Variants in LIPN observed in about 807,000 individuals in gnomAD.
The protein encoded by LIPN is lipase family member N.
In LIPN, 32 loss-of-function variants were observed where a neutral mutation model predicts 43.7. The ratio of observed to expected loss-of-function variants is 0.73; its 90% CI spans 0.55 to 0.98. The LOEUF is 0.98. Among genes scored for constraint, LIPN ranks in the 50% least tolerant of loss-of-function variants. The pLI is 0.00. For synonymous variants in LIPN, 156 were observed against 157.6 expected (o/e 0.99, Z 0.08); for missense variants, 505 against 483.8 (o/e 1.04, Z -0.41).
At chr10:88,772,738 C>G (rs814629) in intron 7 of LIPN, among the ~76,000 whole-genome samples, 27,749 of 151,072 alleles carry the variant, frequency 0.18, 2,611 homozygotes, top group Non-Finnish European at 0.21. Flanking sequence ...TTAGAAAAAC[C>G]TAAAGACTCC....
At chr10:88,772,136 C>G (rs1256895032) in intron 7 of LIPN, among the ~76,000 whole-genome samples, 1 of 150,830 alleles carries the variant, frequency 6.6e-6, no homozygotes, top group Non-Finnish European at 1.5e-5. Context: ...TATATGACCT[C>G]TTTATATATT....
At chr10:88,777,278 G>T (rs1843310828) in intron 9 of LIPN, among the ~76,000 whole-genome samples, 1 of 151,846 alleles carries the variant, frequency 6.6e-6, no homozygotes, top group African/African-American at 2.4e-5. Flanking sequence ...CCAGGCACTG[G>T]CTACTCCACC....
At position 88,778,005 on chromosome 10, in the gene LIPN, A is replaced by G. The variant is rs375269629; in HGVS notation, c.964-4A>G. On this transcript the variant is annotated splice_polypyrimidine_tract_variant and splice_region_variant and intron_variant, in intron 9 of 9. Transcript: ENST00000404459. ...CATGAATGCCCTTGCTTTCTCTCCC[A>G]CAGAGTCATCCCCCTATATATGACC... 5.0e-5 allele frequency: 80 copies of G among 1,595,692 alleles called. No individual in the cohort carries two copies. In the African/African-American group the frequency reaches 9.6e-4, roughly 19 times the overall value.
intron 5 of LIPN, 53 bp downstream of exon 5, chr10:88,766,431 G>A (rs1160394937): frequency 9.8e-7 from 1 of 1,020,326 alleles, no homozygotes; most frequent in Non-Finnish European, 1.6e-6. Flanking sequence ...AGTTTTCTCA[G>A]AGTCTTACAG....
At chr10:88,762,756 G>C (rs940128794) in intron 3 of LIPN, among the ~76,000 whole-genome samples, 4 of 152,018 alleles carry the variant, frequency 2.6e-5, no homozygotes, top group African/African-American at 7.2e-5. Flanking sequence ...AAACAATCTA[G>C]TTAAATGACA....
rs1033951905 is a variant in LIPN at position 88,764,672 on chromosome 10, C to T, written c.425+64C>T. 4.3e-5 allele frequency: 51 copies of T among 1,176,084 alleles called. No homozygotes were observed. The Admixed American group carries it at 5.1e-4, about 12-fold the overall frequency. The allele number at this position is 1,176,084 out of a possible 1,614,324, so 72.9% of individuals were successfully genotyped here. ...GGCAATTTAAAAAAAATAACGTGGACGCTATTAATGATTATCTTTGACGCT... is the reference window on the plus strand; with the variant it reads ...GGCAATTTAAAAAAAATAACGTGGATGCTATTAATGATTATCTTTGACGCT... On this transcript the variant is annotated intron_variant, in intron 4 of 9. Coordinates refer to ENST00000404459, the MANE Select transcript of LIPN (RefSeq NM_001102469.2).
At chr10:88,774,609 T>C in intron 8 of LIPN, 65 bp downstream of exon 8, 2 of 1,382,918 alleles carry the variant, frequency 1.4e-6, no homozygotes, top group African/African-American at 2.9e-5. Context: ...AAGACAGAAT[T>C]GACCCTGTTA....
At chr10:88,777,030 CTT>C (rs2133033755) in intron 9 of LIPN, among the ~76,000 whole-genome samples, 2 of 152,154 alleles carry the variant, frequency 1.3e-5, no homozygotes, top group South Asian at 4.1e-4. Context: ...TTGAAGAGGG[CTT>C]CTTCTACTTA....
Position 88,766,251 on chromosome 10 carries a change from C to T in LIPN, c.426-18C>T. Reference sequence around the variant, plus strand: ...TAAACTTGCAAGTATTTATAAAAGCCCCTGTTTTATTTTGCAGTTTTGATG... The same window carrying T: ...TAAACTTGCAAGTATTTATAAAAGCTCCTGTTTTATTTTGCAGTTTTGATG... On this transcript the variant is annotated intron_variant, in intron 4 of 9. Coordinates refer to ENST00000404459, the MANE Select transcript of LIPN (RefSeq NM_001102469.2). 1 of 1,186,294 alleles carries T rather than the reference C, an allele frequency of 8.4e-7. No homozygotes were observed. Among genetic ancestry groups the T allele is most frequent in the Non-Finnish European group, 1.3e-6 (1 of 799,452 alleles). 73.5% of individuals were successfully genotyped at this position (1,186,294 alleles called of 1,614,324 possible).
At chr10:88,769,067 T>C (rs1843161705) in intron 6 of LIPN, 139 bp downstream of exon 6, 2 of 798,060 alleles carry the variant, frequency 2.5e-6, no homozygotes, top group Non-Finnish European at 3.9e-6. Context: ...TATGTGCTTG[T>C]GTATGTGTGT....
Position 88,779,227 on chromosome 10 carries a change from A to T in LIPN, c.*985A>T, listed in dbSNP as rs303488. On this transcript the variant is annotated 3_prime_UTR_variant, in exon 10 of 10. Transcript: ENST00000404459. ...ATGCCAACAAAAGATTCTGAGCAAG[A>T]CTGTAAATCTGATCAAGTGTTCTGA... Among the ~76,000 whole-genome samples, 121,080 of 152,138 alleles carry T rather than the reference A, an allele frequency of 0.8. 49,203 individuals carry two copies. The highest frequency in any genetic ancestry group is 1 in the East Asian group (5,162 of 5,182).
chr10:88,761,460 G>A lies in LIPN; in HGVS notation c.55G>A (p.Gly19Ser), dbSNP rs778806251. ...TTTGATCTGTGGAACTTTAAATGCTGGTGGATTCCTTGATTTGGAAAATGA... is the reference window on the plus strand; with the variant it reads ...TTTGATCTGTGGAACTTTAAATGCTAGTGGATTCCTTGATTTGGAAAATGA... ...TCLICGTLNAGGFLDLENEVN... is the reference protein window; with the variant it reads ...TCLICGTLNASGFLDLENEVN... The change falls in exon 2 of 10, where the codon GGT (glycine) becomes AGT (serine). Residue 19 changes from glycine (G) to serine (S), a missense_variant. Transcript: ENST00000404459. 4 of 1,612,330 alleles carry A rather than the reference G, an allele frequency of 2.5e-6. No individual in the cohort carries two copies. The highest frequency in any genetic ancestry group is 3.4e-6 in the Non-Finnish European group (4 of 1,178,964).
In LIPN at chr10:88,761,424, A is replaced by T; in HGVS notation, c.19A>T (p.Thr7Ser). The change falls in exon 2 of 10, where the codon ACA (threonine) becomes TCA (serine). Residue 7 changes from threonine to serine, a missense_variant. Coordinates refer to ENST00000404459, the MANE Select transcript of LIPN (RefSeq NM_001102469.2). ...CATTTCTATGATGTGGCTGCTTTTA[A>T]CAACAACTTGTTTGATCTGTGGAAC... MMWLLL[T>S]TTCLICGTLN... is the part of the protein sequence containing the mutation. 2.5e-6 allele frequency: 4 copies of T among 1,612,074 alleles called. No individual in the cohort carries two copies. The highest frequency in any genetic ancestry group is 3.4e-6 in the Non-Finnish European group (4 of 1,178,724).
upstream of LIPN, among the ~76,000 whole-genome samples, chr10:88,758,726 C>T (rs1013523222): frequency 2.0e-5 from 3 of 151,680 alleles, no homozygotes; most frequent in African/African-American, 7.3e-5. Context: ...TCTGCACAAA[C>T]AAAAGAATTA....
At chr10:88,776,904 T>C (rs2133033531) in intron 9 of LIPN, among the ~76,000 whole-genome samples, 1 of 152,170 alleles carries the variant, frequency 6.6e-6, no homozygotes, top group East Asian at 1.9e-4. Flanking sequence ...CCATCTCTTC[T>C]CACTTCCCCT....
At chr10:88,776,941 C>A (rs1167432722) in intron 9 of LIPN, among the ~76,000 whole-genome samples, 1 of 151,930 alleles carries the variant, frequency 6.6e-6, no homozygotes, top group Admixed American at 6.6e-5. Flanking sequence ...TCTCCTGTCC[C>A]TTATGAAAAA....
In LIPN at chr10:88,778,818, G is replaced by A. The variant is rs538512146; in HGVS notation, c.*576G>A. On this transcript the variant is annotated 3_prime_UTR_variant, in exon 10 of 10. Transcript: ENST00000404459. ...TACAATCTTATCCCTGGCTATCTGCGTAAACGGAATCTTGAACCCATAATA... is the reference window on the plus strand; with the variant it reads ...TACAATCTTATCCCTGGCTATCTGCATAAACGGAATCTTGAACCCATAATA... Among the ~76,000 whole-genome samples the A allele has an allele frequency of 9.9e-5, 15 of 152,252 alleles. No homozygotes were observed. The East Asian group carries it at 1.3e-3, about 14-fold the overall frequency.
chr10:88,766,405 T>G (rs1287106348), intron 5 of LIPN, 27 bp downstream of exon 5: 2 of 1,386,600 alleles, frequency 1.4e-6, no homozygotes, highest in Non-Finnish European at 1.0e-6. Context: ...CACTGTTAGG[T>G]GTGTTTTTGA....
At chr10:88,770,522 T>A (rs551584107) in intron 6 of LIPN, among the ~76,000 whole-genome samples, 1 of 151,842 alleles carries the variant, frequency 6.6e-6, no homozygotes, top group Non-Finnish European at 1.5e-5. Flanking sequence ...TATTGCAATC[T>A]CCTTGTAAAT....
Sources: gnomAD v4.1 joint callset for allele counts (sites outside exome capture counted in the v4.1 genomes callset) on GRCh38, gnomAD v4.1.1 for gene constraint, MANE v1.5 for transcripts, NCBI Gene and HGNC (gene_info 2026-07-23, HGNC 2026-07-21) for gene names.